Variants in CDH18 observed in about 807,000 individuals in gnomAD.
CDH18 encodes cadherin-18.
In CDH18, 31 loss-of-function variants were observed where a neutral mutation model predicts 67.9. The observed-to-expected ratio is 0.46, with a 90% CI of 0.34 to 0.62. The LOEUF (loss-of-function observed/expected upper bound fraction) is 0.62, where lower values mean the gene tolerates loss of function less well. Ranked by LOEUF, CDH18 falls within the 20% of genes least tolerant of loss-of-function variation. The pLI is 0.01. For synonymous variants in CDH18, 362 were observed against 347.2 expected (o/e 1.04, Z -0.48); for missense variants, 890 against 975.5 (o/e 0.91, Z 1.17).
chr5:20,568,625 GA>G (rs10717543), intron 1 of CDH18, among the ~76,000 whole-genome samples: 41,650 of 152,010 alleles, frequency 0.27, 7,199 homozygotes, highest in African/African-American at 0.49. Context: ...TAATTCACTA[GA>G]AAAAATATGC....
upstream of CDH18, among the ~76,000 whole-genome samples, chr5:19,990,265 C>G (rs1024167740): frequency 6.6e-6 from 1 of 152,186 alleles, no homozygotes; most frequent in East Asian, 1.9e-4. Flanking sequence ...CTAGAAAACC[C>G]TAACTCTGTT....
intron 2 of CDH18, among the ~76,000 whole-genome samples, chr5:20,055,679 T>C (rs1741836194): frequency 6.6e-6 from 1 of 152,228 alleles, no homozygotes; most frequent in African/African-American, 2.4e-5. Context: ...AGAGATGTAG[T>C]TCCTATACTG....
At chr5:19,779,280 A>C (rs566194071) in intron 3 of CDH18, among the ~76,000 whole-genome samples, 267 of 152,290 alleles carry the variant, frequency 1.8e-3, no homozygotes, top group Non-Finnish European at 2.8e-3. Flanking sequence ...TAAGTTGAAT[A>C]ATGTCCCAGA....
chr5:19,600,817 G>T (rs1470719845), intron 6 of CDH18, among the ~76,000 whole-genome samples: 1 of 151,832 alleles, frequency 6.6e-6, no homozygotes, highest in Non-Finnish European at 1.5e-5. Context: ...TAAATGTATT[G>T]GTAGCACTTA....
chr5:20,315,532 T>C (rs1479821178), intron 1 of CDH18, among the ~76,000 whole-genome samples: 2 of 152,122 alleles, frequency 1.3e-5, no homozygotes, highest in African/African-American at 4.8e-5. Context: ...AAGGGCCTAC[T>C]GAGCTCTCTA....
At chr5:19,508,101 G>C (rs189725727) in intron 10 of CDH18, among the ~76,000 whole-genome samples, 13 of 148,558 alleles carry the variant, frequency 8.8e-5, no homozygotes, top group Admixed American at 8.1e-4. Context: ...GTCTGACTTT[G>C]TCCAAAATGC....
chr5:20,391,363 A>T (rs1236421194), intron 1 of CDH18, among the ~76,000 whole-genome samples: 4 of 151,820 alleles, frequency 2.6e-5, no homozygotes, highest in African/African-American at 4.8e-5. Flanking sequence ...TTTATCTAAA[A>T]ATTAGGAATG....
intron 2 of CDH18, among the ~76,000 whole-genome samples, chr5:20,024,509 G>T (rs1218952094): frequency 1.3e-5 from 2 of 152,132 alleles, no homozygotes; most frequent in Non-Finnish European, 2.9e-5. Flanking sequence ...AAACATGTTG[G>T]CCAGTTTGCC....
chr5:20,406,261 G>T lies in CDH18; in HGVS notation c.-579-150756C>A, dbSNP rs922958537. ...CGGAATACTATGCAGCCATAAAAAA[G>T]GATGAGTTCATGTCCTTTGTCGGGA... is the stretch of plus-strand genomic sequence containing the variant. On this transcript the variant is annotated intron_variant, in intron 1 of 14. Transcript: ENST00000507958. Among the ~76,000 whole-genome samples the T allele has an allele frequency of 7.2e-3, 1,091 of 152,160 alleles. 10 individuals carry two copies. Among genetic ancestry groups the T allele is most frequent in the African/African-American group, 0.025 (1,058 of 41,504 alleles).
chr5:20,305,774 C>G (rs1187660305), intron 1 of CDH18: 1 of 274,418 alleles, frequency 3.6e-6, no homozygotes, highest in African/African-American at 2.3e-5. Flanking sequence ...CATTTTGTAA[C>G]TCGAATCTAC....
chr5:19,589,810 C>T (rs1478917235), intron 7 of CDH18, among the ~76,000 whole-genome samples: 1 of 152,094 alleles, frequency 6.6e-6, no homozygotes, highest in Non-Finnish European at 1.5e-5. Context: ...TGCCATGTTT[C>T]ACTCACCTCA....
chr5:19,585,331 T>C (rs374408691), intron 7 of CDH18, among the ~76,000 whole-genome samples: 6 of 152,154 alleles, frequency 3.9e-5, no homozygotes, highest in East Asian at 3.9e-4. Context: ...CCACTGCCAC[T>C]TTCACTTTTT....
intron 10 of CDH18, among the ~76,000 whole-genome samples, chr5:19,504,998 G>A (rs1460437005): frequency 2.0e-5 from 3 of 151,970 alleles, no homozygotes; most frequent in South Asian, 2.1e-4. Context: ...ACAAATATGA[G>A]CTTATTATAC....
At chr5:19,646,192 CTTGT>C (rs1246441590) in intron 5 of CDH18, among the ~76,000 whole-genome samples, 8 of 151,990 alleles carry the variant, frequency 5.3e-5, no homozygotes, top group African/African-American at 1.2e-4. Context: ...TCAGGAATGG[CTTGT>C]TTGTTTATCT....
At chr5:20,314,464 T>C (rs1177858368) in intron 1 of CDH18, among the ~76,000 whole-genome samples, 1 of 152,108 alleles carries the variant, frequency 6.6e-6, no homozygotes, top group Non-Finnish European at 1.5e-5. Flanking sequence ...GAGGAATTGC[T>C]GATTTAAAAA....
intron 1 of CDH18, among the ~76,000 whole-genome samples, chr5:20,412,653 A>T (rs912028065): frequency 1.3e-5 from 2 of 152,194 alleles, no homozygotes; most frequent in African/African-American, 4.8e-5. Context: ...ACAACAACAA[A>T]AAATTGTATT....
At chr5:20,241,505 C>A (rs1004741670) in intron 2 of CDH18, among the ~76,000 whole-genome samples, 2 of 152,086 alleles carry the variant, frequency 1.3e-5, no homozygotes, top group Non-Finnish European at 2.9e-5. Context: ...GAGGCTCTAC[C>A]TCCACAAGGA....
At chr5:20,133,682 T>C (rs554239724) in intron 2 of CDH18, among the ~76,000 whole-genome samples, 53 of 152,196 alleles carry the variant, frequency 3.5e-4, no homozygotes, top group African/African-American at 1.2e-3. Flanking sequence ...ATATTCTATA[T>C]ATTTTTCTTT....
At chr5:19,546,058 G>A (rs751297630) in intron 8 of CDH18, among the ~76,000 whole-genome samples, 11 of 152,166 alleles carry the variant, frequency 7.2e-5, no homozygotes, top group Admixed American at 3.9e-4. Flanking sequence ...CCAAGAAATG[G>A]CTTACCAGGA....
Sources: allele counts gnomAD v4.1 joint callset (sites outside exome capture counted in the v4.1 genomes callset), GRCh38; gene constraint gnomAD v4.1.1; transcripts MANE v1.5; gene names NCBI Gene and HGNC (gene_info 2026-07-23, HGNC 2026-07-21).